The following ST18 variants were observed in gnomAD, a reference collection of about 807,000 sequenced individuals.
ST18 encodes ST18 C2H2C-type zinc finger transcription factor, also known as suppression of tumorigenicity 18 protein.
A neutral mutation model predicts 110.0 loss-of-function variants in ST18; 50 were observed. The ratio of observed to expected loss-of-function variants is 0.45; its 90% confidence interval spans 0.36 to 0.58. The LOEUF is 0.58. Ranked by LOEUF, ST18 falls within the 20% of genes least tolerant of loss-of-function variation. The pLI is 0.00. For missense variants in ST18, 1,306 were observed against 1,280.1 expected (o/e 1.02, Z -0.31); for synonymous variants, 461 against 452.4 (o/e 1.02, Z -0.24).
At chr8:52,179,621 T>C (rs976775874) in intron 9 of ST18, among the ~76,000 whole-genome samples, 2 of 152,168 alleles carry the variant, frequency 1.3e-5, no homozygotes, top group African/African-American at 4.8e-5. Flanking sequence ...TTACCAATTA[T>C]ATTTTGGAGT....
At chr8:52,190,948 T>C (rs1196201211) in intron 8 of ST18, among the ~76,000 whole-genome samples, 2 of 152,192 alleles carry the variant, frequency 1.3e-5, no homozygotes, top group Admixed American at 6.5e-5. Flanking sequence ...TGCCCACTTA[T>C]AACAAAGGAC....
intron 2 of ST18, among the ~76,000 whole-genome samples, chr8:52,376,498 T>C (rs1328250591): frequency 6.6e-6 from 1 of 152,226 alleles, no homozygotes. Flanking sequence ...AAATTGCTTC[T>C]CACTCACCCC....
At chr8:52,298,246 A>G (rs2095663734) in intron 2 of ST18, among the ~76,000 whole-genome samples, 1 of 152,248 alleles carries the variant, frequency 6.6e-6, no homozygotes, top group African/African-American at 2.4e-5. Context: ...AGAAAGGCTG[A>G]GAGAAACAAT....
chr8:52,320,651 G>A (rs771819903), intron 2 of ST18, among the ~76,000 whole-genome samples: 8 of 152,182 alleles, frequency 5.3e-5, no homozygotes, highest in East Asian at 1.9e-4. Context: ...TGAAACTACC[G>A]TGAGATACTA....
chr8:52,157,533 A>G (rs1030407898), intron 15 of ST18, among the ~76,000 whole-genome samples: 3 of 152,226 alleles, frequency 2.0e-5, no homozygotes, highest in Non-Finnish European at 2.9e-5. Context: ...AAATGAATTT[A>G]AAAATAAAGT....
intron 2 of ST18, among the ~76,000 whole-genome samples, chr8:52,283,761 C>A (rs956297474): frequency 2.0e-5 from 3 of 152,072 alleles, no homozygotes; most frequent in African/African-American, 7.2e-5. Context: ...GTGAACTGTA[C>A]GTCACATCCC....
intron 2 of ST18, among the ~76,000 whole-genome samples, chr8:52,397,428 T>A (rs1841513062): frequency 6.6e-6 from 1 of 152,218 alleles, no homozygotes; most frequent in Non-Finnish European, 1.5e-5. Context: ...ATTGATTGCT[T>A]TCTTTGCTGT....
chr8:52,157,133 C>T (rs1384898718), intron 15 of ST18, among the ~76,000 whole-genome samples: 1 of 152,134 alleles, frequency 6.6e-6, no homozygotes, highest in East Asian at 1.9e-4. Context: ...TGAAACGTGT[C>T]CATTTAACAA....
intron 2 of ST18, among the ~76,000 whole-genome samples, chr8:52,401,618 T>G (rs1185727783): frequency 1.3e-5 from 2 of 152,050 alleles, no homozygotes; most frequent in African/African-American, 4.8e-5. Context: ...TAAAATTTTA[T>G]TCATGGAGTT....
intron 15 of ST18, among the ~76,000 whole-genome samples, chr8:52,157,111 T>C (rs374458908): frequency 8.5e-5 from 13 of 152,306 alleles, no homozygotes; most frequent in African/African-American, 2.9e-4. Context: ...GAAAATCTAC[T>C]GTTTGATTTT....
chr8:52,131,608 C>A (rs1371947027), intron 22 of ST18, among the ~76,000 whole-genome samples: 1 of 152,056 alleles, frequency 6.6e-6, no homozygotes, highest in Non-Finnish European at 1.5e-5. Flanking sequence ...TAAAAGTTTG[C>A]AATTACATAA....
chr8:52,262,047 A>G (rs190835419), intron 2 of ST18, among the ~76,000 whole-genome samples: 10 of 152,322 alleles, frequency 6.6e-5, no homozygotes, highest in Admixed American at 6.5e-4. Flanking sequence ...AGAGCGTGGC[A>G]CCAGCATCTG....
intron 2 of ST18, among the ~76,000 whole-genome samples, chr8:52,253,394 C>A (rs1000674345): frequency 5.9e-5 from 9 of 152,044 alleles, no homozygotes; most frequent in South Asian, 4.1e-4. Context: ...CATTCTTCAG[C>A]CCTTCTGGTA....
At chr8:52,211,929 T>A in intron 8 of ST18, 150 bp downstream of exon 8, 2 of 741,520 alleles carry the variant, frequency 2.7e-6, no homozygotes, top group South Asian at 1.6e-5. Flanking sequence ...CTCCTCCGCC[T>A]TCTTGGTGCA....
chr8:52,160,467 C>G (rs973056371), intron 14 of ST18, among the ~76,000 whole-genome samples: 1 of 152,176 alleles, frequency 6.6e-6, no homozygotes, highest in Non-Finnish European at 1.5e-5. Flanking sequence ...ACATTCTGTG[C>G]TCTTAAGACC....
At chr8:52,301,506 A>G (rs4437668) in intron 2 of ST18, among the ~76,000 whole-genome samples, 26,552 of 152,112 alleles carry the variant, frequency 0.17, 2,742 homozygotes, top group African/African-American at 0.29. Flanking sequence ...TATTTGATAA[A>G]ATTCAACATT....
Position 52,149,912 on chromosome 8 carries a change from C to T in ST18, c.1872G>A (p.Leu624=), listed in dbSNP as rs748690207. The change falls in exon 16 of 26, where the codon CTG becomes CTA. Residue 624 remains leucine (L), a synonymous_variant. Transcript: ENST00000689386. ...AGGAAGTTAGGGGTGCAGACTTGTC[C>T]AGGATTCGATTTTTTTTCATGCTTA... is the stretch of plus-strand genomic sequence containing the variant. ...LDLSMKKNRI[L]DKSAPLTSSN... is the part of the protein sequence containing the mutation. The T allele has an allele frequency of 1.3e-5, 21 of 1,613,936 alleles. No individual in the cohort carries two copies. The highest frequency in any genetic ancestry group is 1.7e-5 in the Non-Finnish European group (20 of 1,180,008).
chr8:52,115,704 T>C (rs1172432467), intron 25 of ST18, among the ~76,000 whole-genome samples: 1 of 152,238 alleles, frequency 6.6e-6, no homozygotes, highest in Non-Finnish European at 1.5e-5. Context: ...TCTTAGAACG[T>C]GTGCCCATTA....
intron 2 of ST18, among the ~76,000 whole-genome samples, chr8:52,289,321 G>A (rs1472487601): frequency 6.6e-6 from 1 of 152,150 alleles, no homozygotes; most frequent in Non-Finnish European, 1.5e-5. Context: ...TTAGTCAGGG[G>A]TGGTGATGCA....
Sources: allele counts gnomAD v4.1 joint callset (sites outside exome capture counted in the v4.1 genomes callset), GRCh38; gene constraint gnomAD v4.1.1; transcripts MANE v1.5; gene names NCBI Gene and HGNC (gene_info 2026-07-23, HGNC 2026-07-21).